RRM2: variants seen among roughly 807,000 people sequenced by gnomAD.
RRM2 encodes ribonucleoside-diphosphate reductase subunit M2.
Under a neutral mutation model 45.9 loss-of-function variants are expected in RRM2, and 6 were observed. The observed-to-expected ratio is 0.13, with a 90% CI of 0.07 to 0.26. The LOEUF (loss-of-function observed/expected upper bound fraction) is 0.26, where lower values mean the gene tolerates loss of function less well. RRM2 is among the 10% of genes least tolerant of loss of function. The pLI, the probability that RRM2 is intolerant of heterozygous loss-of-function variation, is 1.00. For synonymous variants in RRM2, 177 were observed against 173.0 expected (o/e 1.02, Z -0.18); for missense variants, 343 against 489.5 (o/e 0.70, Z 2.82).
At chr2:10,206,055 G>T (rs1337620695) in intron 3 of RRM2, among the ~76,000 whole-genome samples, 1 of 151,996 alleles carries the variant, frequency 6.6e-6, no homozygotes, top group Non-Finnish European at 1.5e-5. Flanking sequence ...GACCATCCTG[G>T]CTAACATGGT....
At chr2:10,178,975 C>A (rs1208801880) in intron 3 of RRM2, among the ~76,000 whole-genome samples, 1 of 152,158 alleles carries the variant, frequency 6.6e-6, no homozygotes, top group African/African-American at 2.4e-5. Flanking sequence ...TCTTGGACTT[C>A]CCAGCCTCCA....
Position 10,126,865 on chromosome 2 carries a change from T to G in RRM2, c.570-10T>G, listed in dbSNP as rs1662789825. 6.2e-7 allele frequency: 1 copy of G among 1,608,510 alleles called. No homozygotes were observed. The highest frequency in any genetic ancestry group is 1.7e-5 in the Admixed American group (1 of 59,586). ...ATGCTTCAATTGCTGATACCGTATG[T>G]GCCTACTAGGGAATTTCTCTTCAAT... On this transcript the variant is annotated splice_polypyrimidine_tract_variant and intron_variant, in intron 5 of 9. Coordinates refer to ENST00000304567, the MANE Select transcript of RRM2 (RefSeq NM_001034.4).
intron 2 of RRM2, chr2:10,142,166 A>G: frequency 6.8e-7 from 1 of 1,470,526 alleles, no homozygotes; most frequent in South Asian, 1.2e-5. Flanking sequence ...GAGCAGAGTG[A>G]GGGGTGGGAG....
chr2:10,163,082 T>G (rs755938240), intron 3 of RRM2, among the ~76,000 whole-genome samples: 1 of 152,246 alleles, frequency 6.6e-6, no homozygotes, highest in Non-Finnish European at 1.5e-5. Flanking sequence ...ACAAAGGCAC[T>G]CTCAGAGAAC....
rs1236797440 is a variant in RRM2 at position 10,172,849 on chromosome 2, AG to A, written n.482+30478del. 6.6e-6 allele frequency among the ~76,000 whole-genome samples: 1 copy of A among 152,248 alleles called. No homozygotes were observed. The highest frequency in any genetic ancestry group is 1.5e-5 in the Non-Finnish European group (1 of 68,040). ...AACCGAGCTCAGGGCCCATCTGAGC[AG>A]GGGCCCGGTGTGACCACACGGATCC... On this transcript the variant is annotated intron_variant and non_coding_transcript_variant, in intron 3 of 3. Transcript: ENST00000381786. The surrounding 1 kb of genome is among the most constrained non-coding windows in gnomAD (Gnocchi z 4.9).
rs56795856 is a variant in RRM2, at chr2:10,209,029, G to GTTTCTTTC, written n.483-1258_483-1251dup. On this transcript the variant is annotated intron_variant and non_coding_transcript_variant, in intron 3 of 3. Transcript: ENST00000381786. Reference sequence around the variant, plus strand: ...CAGTCAGTCCCTGCTGCAGAAAGTGGTTTCTTTCTTTCTTTCTTTCTTTCT... The same window carrying GTTTCTTTC: ...CAGTCAGTCCCTGCTGCAGAAAGTGGTTTCTTTCTTTCTTTCTTTCTTTCTTTCTTTCT... 1.0e-2 allele frequency among the ~76,000 whole-genome samples: 1,355 copies of GTTTCTTTC among 135,964 alleles called. 12 individuals are homozygous for GTTTCTTTC. The highest frequency in any genetic ancestry group is 0.029 in the Admixed American group (376 of 13,052). The allele number at this position is 135,964 out of a possible 152,430, so 89.2% of individuals were successfully genotyped here.
At chr2:10,191,937 C>G (rs1450773037) in intron 3 of RRM2, among the ~76,000 whole-genome samples, 1 of 152,116 alleles carries the variant, frequency 6.6e-6, no homozygotes. Context: ...TCGAATGAGT[C>G]CGTGACCCCT....
chr2:10,131,522 T>A (rs1245789699), downstream of RRM2: 2 of 152,214 alleles, frequency 1.3e-5, no homozygotes, highest in Non-Finnish European at 2.9e-5. Context: ...GCAGATCACC[T>A]GAGCTCAGGA....
intron 3 of RRM2, among the ~76,000 whole-genome samples, chr2:10,170,474 G>T (rs1572514898): frequency 6.6e-6 from 1 of 152,276 alleles, no homozygotes; most frequent in South Asian, 2.1e-4. Flanking sequence ...GGGGGCAGGG[G>T]TGAATGGGCT....
At chr2:10,151,097 G>A (rs1211239822) in intron 3 of RRM2, among the ~76,000 whole-genome samples, 7 of 152,156 alleles carry the variant, frequency 4.6e-5, no homozygotes, top group African/African-American at 9.7e-5. Flanking sequence ...ACAGGCATGC[G>A]CCACCACGCC....
intron 3 of RRM2, among the ~76,000 whole-genome samples, chr2:10,199,749 C>T (rs1664499061): frequency 1.7e-5 from 2 of 117,712 alleles, no homozygotes; most frequent in Admixed American, 1.2e-4. Flanking sequence ...CACTGCACTC[C>T]AGTCTGGGTG....
chr2:10,125,444 G>A lies in RRM2; in HGVS notation c.569+594G>A, dbSNP rs548641551. 3.9e-5 allele frequency among the ~76,000 whole-genome samples: 6 copies of A among 152,248 alleles called. No homozygotes were observed. The South Asian group carries it at 8.3e-4, about 21-fold the overall frequency. ...TTTAGGGTGGCGCGCGGTGGTTCTC[G>A]CCTGTAATCCCAGCACTTTGGGAGG... On this transcript the variant is annotated intron_variant, in intron 5 of 9. Coordinates refer to ENST00000304567, the MANE Select transcript of RRM2 (RefSeq NM_001034.4).
At chr2:10,153,097 CAAAG>C in intron 3 of RRM2, among the ~76,000 whole-genome samples, 1 of 152,036 alleles carries the variant, frequency 6.6e-6, no homozygotes, top group Non-Finnish European at 1.5e-5. Flanking sequence ...TTTGGGAGGC[CAAAG>C]TAGGTGAATC....
intron 3 of RRM2, among the ~76,000 whole-genome samples, chr2:10,197,413 A>G (rs962217807): frequency 2.0e-5 from 3 of 152,186 alleles, no homozygotes; most frequent in Non-Finnish European, 4.4e-5. Context: ...TCCTGGGCAC[A>G]GGGGCTGCTC....
At position 10,129,029 on chromosome 2, in the gene RRM2, TTTGG is replaced by T. The variant is rs1430544751; in HGVS notation, c.904-9_904-6del. 1.2e-6 allele frequency: 2 copies of T among 1,613,238 alleles called. No individual in the cohort carries two copies. The highest frequency in any genetic ancestry group is 1.7e-6 in the Non-Finnish European group (2 of 1,179,234). On this transcript the variant is annotated splice_region_variant and splice_polypyrimidine_tract_variant and intron_variant, in intron 8 of 9. Coordinates refer to ENST00000304567, the MANE Select transcript of RRM2 (RefSeq NM_001034.4). The surrounding 1 kb of genome is among the most constrained non-coding windows in gnomAD (Gnocchi z 4.8). ...CTTTAGTTGTATTCAGAAGCTGTATTTTGGTTCCTAGGAGTTCCTCACTGAGGCC... is the reference window on the plus strand; with the variant it reads ...CTTTAGTTGTATTCAGAAGCTGTATTTTCCTAGGAGTTCCTCACTGAGGCC...
Position 10,130,840 on chromosome 2 carries a change from G to A in RRM2, c.*1454G>A, listed in dbSNP as rs570106471. Reference sequence around the variant, plus strand: ...AGATGGAGTTTCACCATATTGGTCAGGCTGGTCTTGAACTCCTGACCTCAG... The same window carrying A: ...AGATGGAGTTTCACCATATTGGTCAAGCTGGTCTTGAACTCCTGACCTCAG... On this transcript the variant is annotated 3_prime_UTR_variant, in exon 10 of 10. Coordinates refer to ENST00000304567, the MANE Select transcript of RRM2 (RefSeq NM_001034.4). 4.6e-5 allele frequency: 7 copies of A among 152,226 alleles called. No individual in the cohort carries two copies. The highest frequency in any genetic ancestry group is 1.7e-4 in the African/African-American group (7 of 41,526). 9.4% of individuals were successfully genotyped at this position (152,226 alleles called of 1,614,324 possible).
chr2:10,172,060 G>T lies in RRM2; in HGVS notation n.482+29685G>T, dbSNP rs1663816674. On this transcript the variant is annotated intron_variant and non_coding_transcript_variant, in intron 3 of 3. Transcript: ENST00000381786. The surrounding 1 kb of genome is among the most constrained non-coding windows in gnomAD (Gnocchi z 4.9). The stretch of plus-strand genomic sequence containing the variant: ...TGAGGGGAAGCACAGCTCCTTTGGG[G>T]TCTGCGTGCATTTGAGCATGAGTGC... Among the ~76,000 whole-genome samples the T allele has an allele frequency of 1.3e-5, 2 of 152,222 alleles. No homozygotes were observed. Among genetic ancestry groups the T allele is most frequent in the Non-Finnish European group, 2.9e-5 (2 of 68,050 alleles).
At position 10,124,210 on chromosome 2, in the gene RRM2, A is replaced by G; in HGVS notation, c.435+358A>G. On this transcript the variant is annotated intron_variant, in intron 4 of 9. Coordinates refer to ENST00000304567, the MANE Select transcript of RRM2 (RefSeq NM_001034.4). ...AACCTCCGCCTCCTGGGTTCAAGCG[A>G]TTCCCCAACCTCAGCCTCATGAGTA... The G allele has an allele frequency of 1.1e-5, 3 of 263,546 alleles. No homozygotes were observed. The South Asian group carries it at 1.2e-4, about 10-fold the overall frequency. 16.3% of individuals were successfully genotyped at this position (263,546 alleles called of 1,614,324 possible). A position where few individuals can be genotyped will look rare whatever the true frequency, so the allele number is the denominator to read the frequency against.
chr2:10,196,779 C>T (rs1664424683), intron 3 of RRM2, among the ~76,000 whole-genome samples: 1 of 152,192 alleles, frequency 6.6e-6, no homozygotes. Context: ...AGCCGGGAGG[C>T]CAGAGGGAGG....
Sources: gnomAD v4.1 joint callset for allele counts (sites outside exome capture counted in the v4.1 genomes callset) on GRCh38, gnomAD v4.1.1 for gene constraint, Gnocchi (gnomAD v3.1) non-coding constraint, MANE v1.5 for transcripts, NCBI Gene and HGNC (gene_info 2026-07-23, HGNC 2026-07-21) for gene names.